The following DSCAML1 variants were observed in gnomAD, a reference collection of about 807,000 sequenced individuals.
DSCAML1 encodes the protein DS cell adhesion molecule like 1, also known as cell adhesion molecule DSCAML1.
In DSCAML1, 38 loss-of-function variants were observed where a neutral mutation model predicts 200.5. The ratio of observed to expected loss-of-function variants is 0.19; its 90% confidence interval spans 0.15 to 0.25. The LOEUF (loss-of-function observed/expected upper bound fraction) is 0.25, where lower values mean the gene tolerates loss of function less well. DSCAML1 is among the 10% of genes least tolerant of loss of function. The pLI, the probability that DSCAML1 is intolerant of heterozygous loss-of-function variation, is 1.00. For synonymous variants in DSCAML1, 1,215 were observed against 1,165.0 expected (o/e 1.04, Z -0.87); for missense variants, 2,223 against 2,858.8 (o/e 0.78, Z 5.07).
chr11:117,800,099 T>C (rs974991010), upstream of DSCAML1, among the ~76,000 whole-genome samples: 56 of 152,222 alleles, frequency 3.7e-4, no homozygotes, highest in African/African-American at 1.3e-3. Flanking sequence ...TCAGGCCTCA[T>C]GCTTTTTGTG....
At chr11:117,523,040 T>C (rs1489691875) in intron 5 of DSCAML1, among the ~76,000 whole-genome samples, 1 of 152,162 alleles carries the variant, frequency 6.6e-6, no homozygotes, top group African/African-American at 2.4e-5. Flanking sequence ...TACTTGGATA[T>C]GGGCATGTTC....
chr11:117,634,364 A>G (rs933962382), intron 3 of DSCAML1, among the ~76,000 whole-genome samples: 4 of 152,176 alleles, frequency 2.6e-5, no homozygotes, highest in Admixed American at 2.0e-4. Flanking sequence ...TCTAGTCACA[A>G]TGATATACCC....
At chr11:117,434,671 A>G (rs1473625812) in intron 27 of DSCAML1, among the ~76,000 whole-genome samples, 2 of 151,978 alleles carry the variant, frequency 1.3e-5, no homozygotes, top group African/African-American at 4.8e-5. Context: ...CCATCTATTC[A>G]GCCATCCAGC....
chr11:117,706,996 A>G lies in DSCAML1; in HGVS notation c.511+69795T>C, dbSNP rs557573404. 1.4e-4 allele frequency among the ~76,000 whole-genome samples: 22 copies of G among 152,292 alleles called. No individual in the cohort carries two copies. The South Asian group carries it at 4.6e-3, about 32-fold the overall frequency. On this transcript the variant is annotated intron_variant, in intron 3 of 32. Transcript: ENST00000651296. ...AAGATGCATGCCTCTGTGCCCAGACACACAAGCACCCAGGAGCAGCAGAAT... is the reference window on the plus strand; with the variant it reads ...AAGATGCATGCCTCTGTGCCCAGACGCACAAGCACCCAGGAGCAGCAGAAT...
At chr11:117,568,882 G>T (rs1392559490) in intron 3 of DSCAML1, among the ~76,000 whole-genome samples, 2 of 152,092 alleles carry the variant, frequency 1.3e-5, no homozygotes, top group African/African-American at 4.8e-5. Context: ...TAAAGTTCAT[G>T]TGGAACCAAA....
intron 11 of DSCAML1, among the ~76,000 whole-genome samples, chr11:117,486,778 G>A (rs892431241): frequency 6.6e-6 from 1 of 151,716 alleles, no homozygotes; most frequent in African/African-American, 2.4e-5. Flanking sequence ...TACTGAATTT[G>A]TAGCAGCTGC....
At chr11:117,576,827 G>A (rs1402972594) in intron 3 of DSCAML1, among the ~76,000 whole-genome samples, 3 of 152,180 alleles carry the variant, frequency 2.0e-5, no homozygotes, top group Admixed American at 6.5e-5. Flanking sequence ...TTTCATCAAC[G>A]AAAGTGGATA....
chr11:117,440,331 G>T (rs1383610072), intron 21 of DSCAML1, among the ~76,000 whole-genome samples: 1 of 152,172 alleles, frequency 6.6e-6, no homozygotes, highest in Non-Finnish European at 1.5e-5. Context: ...GCCCATAAGT[G>T]GGCAGTGGAG....
chr11:117,786,629 GCTGA>G (rs2055357485), intron 1 of DSCAML1, among the ~76,000 whole-genome samples: 1 of 152,136 alleles, frequency 6.6e-6, no homozygotes, highest in Admixed American at 6.5e-5. Context: ...GGAGGAGCTG[GCTGA>G]CTGAGGTTGC....
At chr11:117,738,251 G>A (rs898267079) in intron 3 of DSCAML1, among the ~76,000 whole-genome samples, 2 of 152,100 alleles carry the variant, frequency 1.3e-5, no homozygotes, top group African/African-American at 2.4e-5. Flanking sequence ...GCACTCCAGC[G>A]ATTCCAACCT....
Position 117,465,080 on chromosome 11 carries a change from T to G in DSCAML1, c.3127A>C (p.Lys1043Gln). The change falls in exon 17 of 33, where the codon AAG (lysine) becomes CAG (glutamine). Residue 1043 changes from lysine (K) to glutamine (Q), a missense_variant. Physicochemically the swap from Lys to Gln is moderately conservative, Grantham distance 53 (BLOSUM62 1). Coordinates refer to ENST00000651296, the MANE Select transcript of DSCAML1 (RefSeq NM_020693.4). ...SNGQYSIVEM[K>Q]ATGDSEVYTL... is the part of the protein sequence containing the mutation. Reference sequence around the variant, plus strand: ...TAGACCTCGCTGTCCCCCGTGGCCTTCATCTCCACGATGCTGTACTGCCCG... The same window carrying G: ...TAGACCTCGCTGTCCCCCGTGGCCTGCATCTCCACGATGCTGTACTGCCCG... The G allele has an allele frequency of 6.2e-7, 1 of 1,614,124 alleles. No individual in the cohort carries two copies. The highest frequency in any genetic ancestry group is 8.5e-7 in the Non-Finnish European group (1 of 1,180,022).
intron 8 of DSCAML1, among the ~76,000 whole-genome samples, chr11:117,509,936 GC>G (rs1232668468): frequency 3.3e-5 from 5 of 152,226 alleles, no homozygotes. Flanking sequence ...GATGTAGGGG[GC>G]ATGAATGCCT....
intron 3 of DSCAML1, among the ~76,000 whole-genome samples, chr11:117,662,520 G>A (rs915388288): frequency 2.0e-5 from 3 of 152,256 alleles, no homozygotes; most frequent in Non-Finnish European, 2.9e-5. Flanking sequence ...CCAGAGAAAA[G>A]GCTCTCTCAT....
At chr11:117,536,997 A>C (rs1486275909) in intron 3 of DSCAML1, among the ~76,000 whole-genome samples, 1 of 152,228 alleles carries the variant, frequency 6.6e-6, no homozygotes. Flanking sequence ...AATTATTATT[A>C]ACTGAAGCAC....
At chr11:117,604,693 T>C (rs2051530683) in intron 3 of DSCAML1, among the ~76,000 whole-genome samples, 1 of 152,248 alleles carries the variant, frequency 6.6e-6, no homozygotes, top group South Asian at 2.1e-4. Context: ...CCTTTCCTAC[T>C]AGTTCTAGCT....
intron 8 of DSCAML1, among the ~76,000 whole-genome samples, chr11:117,511,384 A>G (rs1342318646): frequency 6.6e-6 from 1 of 152,172 alleles, no homozygotes; most frequent in Non-Finnish European, 1.5e-5. Context: ...CACGGAGCCA[A>G]TGCAAAGGGG....
Position 117,605,555 on chromosome 11 carries a change from C to G in DSCAML1, c.512-73033G>C, listed in dbSNP as rs549311902. On this transcript the variant is annotated intron_variant, in intron 3 of 32. Transcript: ENST00000651296. ...ACCTGGCTTCTTTTAGTCCTGGGCA[C>G]GTGGAGTCTGTCGTTGTTGGACTAG... is the stretch of plus-strand genomic sequence containing the variant. 3.3e-5 allele frequency among the ~76,000 whole-genome samples: 5 copies of G among 152,298 alleles called. No homozygotes were observed. The South Asian group carries it at 1.0e-3, about 32-fold the overall frequency.
chr11:117,816,798 T>TGGCGG (rs1555038447), intron 1 of DSCAML1, among the ~76,000 whole-genome samples: 2 of 100,310 alleles, frequency 2.0e-5, no homozygotes, highest in Non-Finnish European at 4.4e-5. Flanking sequence ...TCGGAATTGC[T>TGGCGG]GGGGGGGTGG....
intron 3 of DSCAML1, among the ~76,000 whole-genome samples, chr11:117,609,340 C>T (rs2051641525): frequency 6.8e-6 from 1 of 146,564 alleles, no homozygotes; most frequent in Non-Finnish European, 1.5e-5. Flanking sequence ...CAGGGTCTCA[C>T]TTTGTTACCC....
Sources: allele counts gnomAD v4.1 joint callset (sites outside exome capture counted in the v4.1 genomes callset), GRCh38; gene constraint gnomAD v4.1.1; transcripts MANE v1.5; gene names NCBI Gene and HGNC (gene_info 2026-07-23, HGNC 2026-07-21).